ATP8B4: variants seen among roughly 807,000 people sequenced by gnomAD.
ATP8B4 encodes the protein ATPase phospholipid transporting 8B4 (putative).
A neutral mutation model predicts 145.6 loss-of-function variants in ATP8B4; 133 were observed. That is an observed-to-expected ratio of 0.91 (90% CI 0.79 to 1.05). The LOEUF (loss-of-function observed/expected upper bound fraction) is 1.05, where lower values mean the gene tolerates loss of function less well. ATP8B4 is among the 50% of genes least tolerant of loss of function. The probability of loss-of-function intolerance (pLI) is 0.00; values close to 1 mark genes in which losing one functional copy is unlikely to be tolerated. For synonymous variants in ATP8B4, 507 were observed against 492.9 expected (o/e 1.03, Z -0.38); for missense variants, 1,458 against 1,425.2 (o/e 1.02, Z -0.37).
At chr15:49,991,371 T>A (rs567323045) in intron 9 of ATP8B4, among the ~76,000 whole-genome samples, 97 of 152,264 alleles carry the variant, frequency 6.4e-4, no homozygotes, top group African/African-American at 2.1e-3. Flanking sequence ...AGAAAACAGA[T>A]CTCAGTTCAG....
At chr15:49,889,583 C>T (rs1005195097) in intron 23 of ATP8B4, among the ~76,000 whole-genome samples, 18 of 152,208 alleles carry the variant, frequency 1.2e-4, no homozygotes, top group African/African-American at 4.3e-4. Context: ...ATCCCACAGG[C>T]AGTAATGCTT....
At chr15:49,950,606 ACAAAC>A (rs1567059405) in intron 14 of ATP8B4, among the ~76,000 whole-genome samples, 27 of 106,938 alleles carry the variant, frequency 2.5e-4, no homozygotes, top group African/African-American at 7.8e-4. Context: ...AAAAAAACAA[ACAAAC>A]AAACAAACAA....
intron 7 of ATP8B4, among the ~76,000 whole-genome samples, chr15:50,007,835 G>T (rs1190907526): frequency 6.6e-6 from 1 of 152,048 alleles, no homozygotes; most frequent in Non-Finnish European, 1.5e-5. Flanking sequence ...CCTTGAAAAT[G>T]GTTTTGTAGG....
intron 2 of ATP8B4, among the ~76,000 whole-genome samples, chr15:50,083,870 ATAGC>A (rs1156533668): frequency 6.6e-6 from 1 of 152,258 alleles, no homozygotes; most frequent in African/African-American, 2.4e-5. Flanking sequence ...TCTAGCTAGA[ATAGC>A]TAGTCAGCAA....
rs1599562048 is a variant in ATP8B4, at chr15:49,976,040, T to C, written c.1035-3250A>G. On this transcript the variant is annotated intron_variant, in intron 12 of 27. Transcript: ENST00000284509. ...CTGGTTATAAATTATATGCTTCAAG[T>C]TCTAAAAGTACATGACATACCTATG... Among the ~76,000 whole-genome samples the C allele has an allele frequency of 2.6e-5, 4 of 152,252 alleles. No homozygotes were observed. In the East Asian group the frequency reaches 7.7e-4, roughly 29 times the overall value.
intron 20 of ATP8B4, among the ~76,000 whole-genome samples, chr15:49,904,657 C>T (rs571812554): frequency 6.6e-6 from 1 of 152,242 alleles, no homozygotes; most frequent in Admixed American, 6.5e-5. Context: ...CACCAAAGGC[C>T]CCATCACTCC....
intron 11 of ATP8B4, among the ~76,000 whole-genome samples, chr15:49,980,454 G>C (rs528960389): frequency 6.6e-6 from 1 of 152,070 alleles, no homozygotes. Context: ...ACAAAGACTA[G>C]ATAGTATATC....
chr15:49,861,176 T>C (rs1343882691), intron 27 of ATP8B4, among the ~76,000 whole-genome samples: 1 of 152,110 alleles, frequency 6.6e-6, no homozygotes, highest in African/African-American at 2.4e-5. Flanking sequence ...ATCCTGACTT[T>C]TGTGTCAGGA....
chr15:50,001,630 G>A (rs2047902138), intron 8 of ATP8B4, among the ~76,000 whole-genome samples: 1 of 152,138 alleles, frequency 6.6e-6, no homozygotes. Context: ...TTCAATAAAT[G>A]TTTTTATGCC....
At chr15:49,883,694 T>C (rs2035779202) in intron 23 of ATP8B4, among the ~76,000 whole-genome samples, 1 of 152,188 alleles carries the variant, frequency 6.6e-6, no homozygotes, top group African/African-American at 2.4e-5. Flanking sequence ...GTTTTCTCCA[T>C]GATGTGCTTA....
intron 2 of ATP8B4, among the ~76,000 whole-genome samples, chr15:50,094,685 T>C (rs1007525580): frequency 2.9e-5 from 4 of 139,986 alleles, no homozygotes; most frequent in African/African-American, 1.0e-4. Context: ...TATATTTGTA[T>C]ATATGTGTGT....
In ATP8B4 at chr15:50,080,403, A is replaced by G. The variant is rs79712738; in HGVS notation, c.29-6218T>C. Among the ~76,000 whole-genome samples, 937 of 152,302 alleles carry G rather than the reference A, an allele frequency of 6.2e-3. 7 individuals are homozygous for G. Among genetic ancestry groups the G allele is most frequent in the Non-Finnish European group, 9.2e-3 (626 of 68,016 alleles). On this transcript the variant is annotated intron_variant, in intron 2 of 27. Coordinates refer to ENST00000284509, the MANE Select transcript of ATP8B4 (RefSeq NM_024837.4). ...ATCTATAGCTCCCTACTTCCCTGCA[A>G]AAAAAGAATTATCTCATAGGGCTGA... is the stretch of plus-strand genomic sequence containing the variant.
intron 3 of ATP8B4, among the ~76,000 whole-genome samples, chr15:50,061,609 A>G (rs2053030285): frequency 6.6e-6 from 1 of 152,196 alleles, no homozygotes; most frequent in African/African-American, 2.4e-5. Flanking sequence ...AAAGCATTCA[A>G]TTCCAGTATA....
intron 24 of ATP8B4, among the ~76,000 whole-genome samples, chr15:49,877,061 C>G (rs967426082): frequency 1.3e-5 from 2 of 152,106 alleles, no homozygotes; most frequent in Admixed American, 1.3e-4. Context: ...TTTGGGATTC[C>G]AGGTGAGAAG....
intron 12 of ATP8B4, among the ~76,000 whole-genome samples, chr15:49,975,216 T>C (rs928915447): frequency 6.6e-6 from 1 of 152,136 alleles, no homozygotes; most frequent in African/African-American, 2.4e-5. Context: ...TCAAATCTTT[T>C]TAGGAATTCC....
At chr15:50,047,053 A>G (rs994309165) in intron 4 of ATP8B4, among the ~76,000 whole-genome samples, 4 of 152,186 alleles carry the variant, frequency 2.6e-5, no homozygotes, top group Admixed American at 2.0e-4. Flanking sequence ...TGTGAAAGGG[A>G]GATAAAGAAA....
chr15:50,096,319 G>T (rs528821365), intron 2 of ATP8B4, among the ~76,000 whole-genome samples: 16 of 152,264 alleles, frequency 1.1e-4, no homozygotes, highest in Middle Eastern at 3.4e-3. Flanking sequence ...ACTCCCTGGG[G>T]CTTCTCTTTA....
intron 2 of ATP8B4, among the ~76,000 whole-genome samples, chr15:50,088,965 T>C (rs111253467): frequency 9.6e-4 from 146 of 152,312 alleles, no homozygotes; most frequent in African/African-American, 3.2e-3. Flanking sequence ...CATTGGTCTA[T>C]GTGTCTGTTT....
intron 6 of ATP8B4, chr15:50,018,829 A>G: frequency 3.7e-6 from 3 of 812,644 alleles, no homozygotes; most frequent in Non-Finnish European, 5.2e-6. Flanking sequence ...GTCAGGATTT[A>G]TTTATAATCA....
Sources: allele counts gnomAD v4.1 joint callset (sites outside exome capture counted in the v4.1 genomes callset), GRCh38; gene constraint gnomAD v4.1.1; transcripts MANE v1.5; gene names NCBI Gene and HGNC (gene_info 2026-07-23, HGNC 2026-07-21).